TMEM108: variants seen among roughly 807,000 people sequenced by gnomAD.
TMEM108 encodes the protein cancer/testis antigen 124.
Under a neutral mutation model 35.1 loss-of-function variants are expected in TMEM108, and 12 were observed. The observed-to-expected ratio is 0.34, with a 90% CI of 0.22 to 0.55. The LOEUF (loss-of-function observed/expected upper bound fraction) is 0.55, where lower values mean the gene tolerates loss of function less well. Among genes scored for constraint, TMEM108 ranks in the 20% least tolerant of loss-of-function variants. The probability of loss-of-function intolerance (pLI) is 0.89; values close to 1 mark genes in which losing one functional copy is unlikely to be tolerated. For synonymous variants in TMEM108, 287 were observed against 308.6 expected (o/e 0.93, Z 0.73); for missense variants, 680 against 753.3 (o/e 0.90, Z 1.14).
chr3:133,200,114 A>G (rs1475580252), intron 2 of TMEM108, among the ~76,000 whole-genome samples: 1 of 152,150 alleles, frequency 6.6e-6, no homozygotes, highest in Non-Finnish European at 1.5e-5. Context: ...AGACCGTTGG[A>G]AAAGCGCAGT....
intron 2 of TMEM108, among the ~76,000 whole-genome samples, chr3:133,076,559 G>T (rs1459346749): frequency 6.6e-6 from 1 of 152,182 alleles, no homozygotes; most frequent in Non-Finnish European, 1.5e-5. Context: ...AATTGCAGAT[G>T]CAGTATGTGT....
At chr3:133,301,024 AC>A (rs1947218019) in intron 3 of TMEM108, among the ~76,000 whole-genome samples, 1 of 117,356 alleles carries the variant, frequency 8.5e-6, no homozygotes, top group African/African-American at 2.9e-5. Flanking sequence ...ACACACACAC[AC>A]ACACACACAC....
intron 3 of TMEM108, among the ~76,000 whole-genome samples, chr3:133,241,081 A>T (rs924467981): frequency 6.6e-6 from 1 of 152,226 alleles, no homozygotes; most frequent in African/African-American, 2.4e-5. Context: ...AAAATCTGGT[A>T]TAATTCTGGG....
chr3:133,146,504 T>C (rs377338638), intron 2 of TMEM108, among the ~76,000 whole-genome samples: 45 of 152,294 alleles, frequency 3.0e-4, no homozygotes, highest in Admixed American at 2.5e-3. Context: ...GGAGTCCCTC[T>C]TTTTCTATTG....
At chr3:133,077,536 G>T (rs1054504571) in intron 2 of TMEM108, among the ~76,000 whole-genome samples, 2 of 152,168 alleles carry the variant, frequency 1.3e-5, no homozygotes, top group African/African-American at 2.4e-5. Flanking sequence ...TGGGGTGAAG[G>T]ATGGATCTTG....
chr3:133,286,106 G>A (rs1033995964), intron 3 of TMEM108, among the ~76,000 whole-genome samples: 34 of 152,218 alleles, frequency 2.2e-4, no homozygotes, highest in Non-Finnish European at 3.1e-4. Context: ...GTAAATGTGC[G>A]TTGAATTAAT....
intron 2 of TMEM108, among the ~76,000 whole-genome samples, chr3:133,182,838 C>G (rs1402339115): frequency 1.3e-5 from 2 of 152,172 alleles, no homozygotes; most frequent in Non-Finnish European, 2.9e-5. Context: ...TCAGTTTTTC[C>G]TCTCTGGTGC....
At chr3:133,062,607 G>A (rs1340477486) in intron 2 of TMEM108, among the ~76,000 whole-genome samples, 1 of 152,218 alleles carries the variant, frequency 6.6e-6, no homozygotes, top group East Asian at 1.9e-4. Flanking sequence ...CATATAAAAT[G>A]TATTTACACA....
chr3:133,111,644 A>T (rs1340716721), intron 2 of TMEM108, among the ~76,000 whole-genome samples: 1 of 152,156 alleles, frequency 6.6e-6, no homozygotes, highest in East Asian at 1.9e-4. Context: ...TATAATATGC[A>T]TCTTTGTAAG....
At chr3:133,298,313 C>T (rs1947173782) in intron 3 of TMEM108, among the ~76,000 whole-genome samples, 1 of 152,166 alleles carries the variant, frequency 6.6e-6, no homozygotes, top group Non-Finnish European at 1.5e-5. Flanking sequence ...ATGTTTCTTC[C>T]AGCGCCTTCC....
At chr3:133,296,773 A>C (rs999601913) in intron 3 of TMEM108, among the ~76,000 whole-genome samples, 2 of 152,196 alleles carry the variant, frequency 1.3e-5, no homozygotes, top group African/African-American at 2.4e-5. Context: ...GCACACATAG[A>C]GGGAGTGTCC....
chr3:133,307,426 T>C (rs1277909741), intron 3 of TMEM108, among the ~76,000 whole-genome samples: 2 of 152,190 alleles, frequency 1.3e-5, no homozygotes, highest in Non-Finnish European at 2.9e-5. Context: ...TTTTGGTCTT[T>C]TAGACATGAA....
intron 2 of TMEM108, among the ~76,000 whole-genome samples, chr3:133,194,541 G>A (rs573537548): frequency 2.7e-4 from 41 of 150,978 alleles, no homozygotes; most frequent in Non-Finnish European, 5.0e-4. Context: ...GAAAACAAAA[G>A]CCCCATGATG....
chr3:133,104,055 A>T, intron 2 of TMEM108, among the ~76,000 whole-genome samples: 1 of 152,062 alleles, frequency 6.6e-6, no homozygotes, highest in East Asian at 1.9e-4. Context: ...TCTGTCACAC[A>T]CTCCTTGCAA....
chr3:133,082,323 T>C (rs1459966282), intron 2 of TMEM108, among the ~76,000 whole-genome samples: 2 of 152,236 alleles, frequency 1.3e-5, no homozygotes. Context: ...GGAAAGGAAG[T>C]CCATCTTACA....
At chr3:133,379,101 C>T (rs959473277) in intron 3 of TMEM108, among the ~76,000 whole-genome samples, 5 of 152,158 alleles carry the variant, frequency 3.3e-5, no homozygotes, top group Non-Finnish European at 5.9e-5. Flanking sequence ...TGGATATGTG[C>T]GAGCTTATCC....
intron 4 of TMEM108, chr3:133,387,733 C>T: frequency 2.7e-6 from 2 of 747,298 alleles, no homozygotes; most frequent in Non-Finnish European, 1.6e-6. Flanking sequence ...AGATGTATGA[C>T]TGCATTTAAT....
intron 2 of TMEM108, among the ~76,000 whole-genome samples, chr3:133,165,382 G>A (rs764589230): frequency 7.2e-4 from 109 of 152,278 alleles, no homozygotes; most frequent in Non-Finnish European, 1.3e-3. Flanking sequence ...CACATTGGAT[G>A]ATTCGAAGTG....
chr3:133,256,279 T>G (rs552496331), intron 3 of TMEM108, among the ~76,000 whole-genome samples: 22 of 152,212 alleles, frequency 1.4e-4, no homozygotes, highest in Non-Finnish European at 2.9e-4. Flanking sequence ...AGATATTTTT[T>G]AAAGTAGAAC....
Sources: allele counts gnomAD v4.1 joint callset (sites outside exome capture counted in the v4.1 genomes callset), GRCh38; gene constraint gnomAD v4.1.1; transcripts MANE v1.5; gene names NCBI Gene and HGNC (gene_info 2026-07-23, HGNC 2026-07-21).